DNAJC7: variants seen among roughly 807,000 people sequenced by gnomAD.
The protein encoded by DNAJC7 is dnaJ homolog subfamily C member 7.
A neutral mutation model predicts 67.4 loss-of-function variants in DNAJC7; 18 were observed. That is an observed-to-expected ratio of 0.27 (90% CI 0.18 to 0.40). DNAJC7 has a LOEUF of 0.40. Ranked by LOEUF, DNAJC7 falls within the 10% of genes least tolerant of loss-of-function variation. The pLI is 1.00. For synonymous variants in DNAJC7, 220 were observed against 207.8 expected, an observed-to-expected ratio of 1.06 and a Z score of -0.50; for missense variants, 419 against 613.8, an observed-to-expected ratio of 0.68 and a Z score of 3.35.
chr17:42,001,604 G>A (rs1473841736), intron 1 of DNAJC7, among the ~76,000 whole-genome samples: 1 of 152,086 alleles, frequency 6.6e-6, no homozygotes, highest in Non-Finnish European at 1.5e-5. Context: ...GATCATTTTT[G>A]TTATGAGAAA....
chr17:42,003,744 TA>T (rs371903501), intron 1 of DNAJC7, among the ~76,000 whole-genome samples: 209 of 144,170 alleles, frequency 1.4e-3, no homozygotes, highest in African/African-American at 3.0e-3. Context: ...CTAGACCAAT[TA>T]AAAAAAAAAA....
At chr17:42,012,480 AAAAAG>A (rs879994913) in intron 1 of DNAJC7, among the ~76,000 whole-genome samples, 6 of 152,180 alleles carry the variant, frequency 3.9e-5, no homozygotes, top group African/African-American at 7.2e-5. Flanking sequence ...AGACTCCGTC[AAAAAG>A]AAAAGAAAAC....
chr17:41,990,175 C>G, intron 6 of DNAJC7, 89 bp downstream of exon 6: 1 of 1,316,660 alleles, frequency 7.6e-7, no homozygotes, highest in South Asian at 1.3e-5. Flanking sequence ...CTGGCCTACT[C>G]TGGGGACCAT....
intron 13 of DNAJC7, 44 bp from the exon 14 acceptor site, chr17:41,976,814 A>G (rs781907045): frequency 3.8e-6 from 6 of 1,597,386 alleles, no homozygotes; most frequent in Non-Finnish European, 5.1e-6. Flanking sequence ...TGGATTTTCT[A>G]AGGAAGATCA....
intron 1 of DNAJC7, chr17:42,014,878 A>AT (rs2052224251): frequency 6.7e-6 from 1 of 148,680 alleles, no homozygotes; most frequent in African/African-American, 2.5e-5. Flanking sequence ...TTTTTAATTA[A>AT]TTTTTTTCTG....
chr17:42,011,393 T>C (rs2052112166), intron 1 of DNAJC7: 1 of 152,266 alleles, frequency 6.6e-6, no homozygotes, highest in Non-Finnish European at 1.5e-5. Flanking sequence ...CTTGGCCCTA[T>C]ATTTTCTCAA....
chr17:41,980,944 T>C (rs2051233470), intron 12 of DNAJC7, among the ~76,000 whole-genome samples: 1 of 152,186 alleles, frequency 6.6e-6, no homozygotes, highest in African/African-American at 2.4e-5. Flanking sequence ...ATCCAGCTAC[T>C]TGCCGGCCTT....
At chr17:42,010,706 G>C (rs1399796309) in intron 1 of DNAJC7, among the ~76,000 whole-genome samples, 1 of 152,094 alleles carries the variant, frequency 6.6e-6, no homozygotes, top group African/African-American at 2.4e-5. Flanking sequence ...AAACAAGAGA[G>C]GGTCCTGCTT....
chr17:41,983,415 A>G, intron 10 of DNAJC7, 148 bp downstream of exon 10: 2 of 697,896 alleles, frequency 2.9e-6, no homozygotes, highest in Non-Finnish European at 4.6e-6. Flanking sequence ...GTGAGCCACC[A>G]CGCCCAGCCT....
At position 41,988,914 on chromosome 17, in the gene DNAJC7, G is replaced by A; in HGVS notation, c.754-18C>T. The A allele has an allele frequency of 6.2e-7, 1 of 1,612,240 alleles. No individual in the cohort carries two copies. Among genetic ancestry groups the A allele is most frequent in the Non-Finnish European group, 8.5e-7 (1 of 1,179,498 alleles). On this transcript the variant is annotated intron_variant, in intron 7 of 13. Transcript: ENST00000457167. Reference sequence around the variant, plus strand: ...TTGGCATTCTACAGAAAAAAGCAAGGGGAGGATCGGTTCATATCCACAAAG... The same window carrying A: ...TTGGCATTCTACAGAAAAAAGCAAGAGGAGGATCGGTTCATATCCACAAAG...
chr17:42,015,814 A>T (rs1253977951), intron 1 of DNAJC7: 1 of 152,228 alleles, frequency 6.6e-6, no homozygotes, highest in Non-Finnish European at 1.5e-5. Context: ...AGGTCGCGCC[A>T]CTACACTCCA....
chr17:41,976,917 T>G (rs1218243451), intron 13 of DNAJC7, 147 bp from the exon 14 acceptor site: 3 of 1,006,782 alleles, frequency 3.0e-6, no homozygotes, highest in African/African-American at 1.6e-5. Context: ...AGGCTGTTTT[T>G]GGGTGCAAGA....
At chr17:41,981,205 T>A (rs1479649177) in intron 12 of DNAJC7, among the ~76,000 whole-genome samples, 1 of 152,036 alleles carries the variant, frequency 6.6e-6, no homozygotes, top group African/African-American at 2.4e-5. Context: ...TCTTATTATT[T>A]TTTTTAATTG....
At chr17:41,979,046 T>C (rs571401724) in intron 12 of DNAJC7, among the ~76,000 whole-genome samples, 11 of 152,326 alleles carry the variant, frequency 7.2e-5, no homozygotes, top group African/African-American at 2.4e-4. Context: ...ATCATTCTTA[T>C]TTTAAATTCC....
intron 1 of DNAJC7, among the ~76,000 whole-genome samples, chr17:42,006,028 CT>C (rs1182486500): frequency 6.6e-6 from 1 of 152,158 alleles, no homozygotes; most frequent in Non-Finnish European, 1.5e-5. Flanking sequence ...ACTGCAAGCT[CT>C]GCCTCCCAGG....
At chr17:41,999,451 C>T (rs2088484233) in intron 2 of DNAJC7, among the ~76,000 whole-genome samples, 1 of 152,018 alleles carries the variant, frequency 6.6e-6, no homozygotes, top group African/African-American at 2.4e-5. Context: ...TGAAGGAGTT[C>T]ATACAGTAAC....
At chr17:42,010,570 G>C (rs782626330) in intron 1 of DNAJC7, among the ~76,000 whole-genome samples, 1 of 152,070 alleles carries the variant, frequency 6.6e-6, no homozygotes, top group Non-Finnish European at 1.5e-5. Flanking sequence ...GAACTAGAGT[G>C]GGGAGGAGCC....
chr17:42,006,453 G>C (rs1481785610), intron 1 of DNAJC7, among the ~76,000 whole-genome samples: 4 of 151,726 alleles, frequency 2.6e-5, no homozygotes, highest in African/African-American at 9.7e-5. Context: ...CGAGGCTGCA[G>C]CAAACCATGT....
chr17:42,008,989 C>A (rs113507178), intron 1 of DNAJC7, among the ~76,000 whole-genome samples: 1 of 152,210 alleles, frequency 6.6e-6, no homozygotes, highest in Non-Finnish European at 1.5e-5. Context: ...GGATTAAAGG[C>A]GTGAGCCATC....
Sources: gnomAD v4.1 joint callset for allele counts (sites outside exome capture counted in the v4.1 genomes callset) on GRCh38, gnomAD v4.1.1 for gene constraint, MANE v1.5 for transcripts, NCBI Gene and HGNC (gene_info 2026-07-23, HGNC 2026-07-21) for gene names.